Variants in GABBR2 observed in about 807,000 individuals in gnomAD.
GABBR2 encodes the protein G-protein coupled receptor 51.
In GABBR2, 23 loss-of-function variants were observed where a neutral mutation model predicts 105.6. The ratio of observed to expected loss-of-function variants is 0.22; its 90% CI spans 0.16 to 0.31. GABBR2 has a LOEUF of 0.31. Ranked by LOEUF, GABBR2 falls within the 10% of genes least tolerant of loss-of-function variation. The pLI is 1.00. For missense variants in GABBR2, 734 were observed against 1,245.5 expected (o/e 0.59, Z 6.18); for synonymous variants, 478 against 499.7 (o/e 0.96, Z 0.58).
chr9:98,381,098 A>G lies in GABBR2; in HGVS notation c.1662+4542T>C, dbSNP rs140202035. ...ACTGTGACGAGGATGCAAGGTGACA[A>G]GCTGTGATGCCTATCCCTCCTCCTA... On this transcript the variant is annotated intron_variant, in intron 11 of 18. Coordinates refer to ENST00000259455, the MANE Select transcript of GABBR2 (RefSeq NM_005458.8). Among the ~76,000 whole-genome samples, 431 of 152,334 alleles carry G rather than the reference A, an allele frequency of 2.8e-3. 1 individual carries two copies. The highest frequency in any genetic ancestry group is 4.6e-3 in the Non-Finnish European group (315 of 68,032).
intron 13 of GABBR2, among the ~76,000 whole-genome samples, chr9:98,329,100 C>T (rs1352114578): frequency 6.6e-6 from 1 of 152,164 alleles, no homozygotes; most frequent in Non-Finnish European, 1.5e-5. Flanking sequence ...CACGTGGCAA[C>T]CCACTCAAGA....
At chr9:98,304,302 G>C (rs1830515724) in intron 15 of GABBR2, 1 of 152,782 alleles carries the variant, frequency 6.5e-6, no homozygotes, top group African/African-American at 2.4e-5. Context: ...GGGGTAAATG[G>C]AAGGGGAAGG....
chr9:98,610,416 A>G (rs1829489287), intron 1 of GABBR2, among the ~76,000 whole-genome samples: 1 of 152,214 alleles, frequency 6.6e-6, no homozygotes. Context: ...GCCTGCAAAA[A>G]TATGCATCCA....
At chr9:98,482,820 T>C (rs953348634) in intron 4 of GABBR2, among the ~76,000 whole-genome samples, 1 of 152,126 alleles carries the variant, frequency 6.6e-6, no homozygotes, top group African/African-American at 2.4e-5. Flanking sequence ...GTGGCTTCCA[T>C]GCTGCTCTCT....
At chr9:98,536,153 T>C (rs1828175936) in intron 3 of GABBR2, among the ~76,000 whole-genome samples, 1 of 152,146 alleles carries the variant, frequency 6.6e-6, no homozygotes, top group Non-Finnish European at 1.5e-5. Flanking sequence ...AAAATTAGTC[T>C]CTTAAACAAA....
In GABBR2 at chr9:98,708,437, G is replaced by T; in HGVS notation, c.301C>A (p.Leu101Met). The T allele has an allele frequency of 6.5e-7, 1 of 1,537,750 alleles. No homozygotes were observed. Among genetic ancestry groups the T allele is most frequent in the Non-Finnish European group, 8.8e-7 (1 of 1,136,444 alleles). ...CTCACCTCCGTGTCATAGAGCCGCA[G>T]GTCGAGGAAGTAGGGGCGCAGGAGT... ...ESLLRPYFLDLRLYDTECDNA... is the reference protein window; with the variant it reads ...ESLLRPYFLDMRLYDTECDNA... Residue 101 changes from leucine (L) to methionine (M), a missense_variant, in exon 1 of 19, where the codon CTG becomes ATG. Leu to Met is a conservative substitution (Grantham distance 15). Around this residue, in one of 7 missense-constraint regions of GABBR2, gnomAD observed 370 missense variants for 648.9 expected, o/e 0.57. Transcript: ENST00000259455.
chr9:98,325,872 G>A (rs531113384), intron 13 of GABBR2, among the ~76,000 whole-genome samples: 40 of 152,254 alleles, frequency 2.6e-4, no homozygotes, highest in Non-Finnish European at 1.5e-5. Flanking sequence ...ACATGCACAA[G>A]CACAAACACA....
At chr9:98,447,840 G>T (rs1403716273) in intron 7 of GABBR2, among the ~76,000 whole-genome samples, 1 of 151,950 alleles carries the variant, frequency 6.6e-6, no homozygotes. Flanking sequence ...ACTTGTCTAG[G>T]GGGTGGGGGG....
chr9:98,606,491 T>TC (rs917434946), intron 1 of GABBR2, among the ~76,000 whole-genome samples: 2 of 131,894 alleles, frequency 1.5e-5, no homozygotes, highest in African/African-American at 2.7e-5. Flanking sequence ...TTCTTTTTTT[T>TC]TTTTTTTGAG....
chr9:98,516,438 C>A, intron 3 of GABBR2: 1 of 152,460 alleles, frequency 6.6e-6, no homozygotes, highest in Non-Finnish European at 1.5e-5. Context: ...AAACTGAAGT[C>A]CCAAGAAGAA....
At chr9:98,477,447 C>T in intron 5 of GABBR2, among the ~76,000 whole-genome samples, 1 of 152,148 alleles carries the variant, frequency 6.6e-6, no homozygotes, top group East Asian at 1.9e-4. Flanking sequence ...GCCATGCTGC[C>T]CAGGCTGGTC....
chr9:98,423,495 C>T (rs1237609626), intron 7 of GABBR2, among the ~76,000 whole-genome samples: 1 of 152,076 alleles, frequency 6.6e-6, no homozygotes, highest in Non-Finnish European at 1.5e-5. Context: ...ATTGTAGATT[C>T]TGGATATTAG....
intron 6 of GABBR2, among the ~76,000 whole-genome samples, chr9:98,462,347 G>A (rs1312822929): frequency 1.3e-5 from 2 of 152,018 alleles, no homozygotes; most frequent in Non-Finnish European, 2.9e-5. Context: ...AAAATACATC[G>A]AGAGTGAAAA....
intron 1 of GABBR2, chr9:98,607,133 G>T: frequency 6.2e-7 from 1 of 1,609,758 alleles, no homozygotes; most frequent in Non-Finnish European, 8.5e-7. Context: ...TTTAATCAAA[G>T]AAGGTGGTGT....
intron 3 of GABBR2, among the ~76,000 whole-genome samples, chr9:98,531,145 T>C (rs1828059939): frequency 6.6e-6 from 1 of 152,118 alleles, no homozygotes; most frequent in South Asian, 2.1e-4. Context: ...GATATATTTA[T>C]CTAATATCAC....
At chr9:98,486,740 C>T (rs872092) in intron 4 of GABBR2, among the ~76,000 whole-genome samples, 4 of 152,114 alleles carry the variant, frequency 2.6e-5, no homozygotes, top group Non-Finnish European at 5.9e-5. Context: ...CCTGGGCCAG[C>T]GGGCACTGCC....
chr9:98,575,092 C>A (rs992174470), intron 2 of GABBR2, among the ~76,000 whole-genome samples: 17 of 152,016 alleles, frequency 1.1e-4, no homozygotes, highest in South Asian at 2.1e-4. Context: ...CCACCACCCC[C>A]CCCCAAATCT....
intron 11 of GABBR2, among the ~76,000 whole-genome samples, chr9:98,379,824 G>A: frequency 6.6e-6 from 1 of 152,080 alleles, no homozygotes; most frequent in East Asian, 1.9e-4. Flanking sequence ...GTTAAATAGG[G>A]TAAACAAAAG....
At chr9:98,614,330 C>T (rs1478150379) in intron 1 of GABBR2, among the ~76,000 whole-genome samples, 2 of 152,152 alleles carry the variant, frequency 1.3e-5, no homozygotes, top group Admixed American at 6.5e-5. Context: ...TCGAGACCAG[C>T]CTGGTCAACA....
Sources: allele counts gnomAD v4.1 joint callset (sites outside exome capture counted in the v4.1 genomes callset), GRCh38; gene constraint gnomAD v4.1.1; regional missense constraint gnomAD v4.1.1; transcripts MANE v1.5; gene names NCBI Gene and HGNC (gene_info 2026-07-23, HGNC 2026-07-21).